DNAJC6: variants seen among roughly 807,000 people sequenced by gnomAD.
The protein encoded by DNAJC6 is auxilin.
A neutral mutation model predicts 110.0 loss-of-function variants in DNAJC6; 34 were observed. That is an observed-to-expected ratio of 0.31 (90% CI 0.24 to 0.41). The LOEUF is 0.41. Among genes scored for constraint, DNAJC6 ranks in the 10% least tolerant of loss-of-function variants. The pLI is 1.00. For missense variants in DNAJC6, 1,031 were observed against 1,207.8 expected (o/e 0.85, Z 2.17); for synonymous variants, 406 against 437.2 (o/e 0.93, Z 0.89).
chr1:65,385,576 A>C lies in DNAJC6; in HGVS notation c.801-136A>C. 4.2e-6 allele frequency: 3 copies of C among 712,206 alleles called. No individual in the cohort carries two copies. In the South Asian group the frequency reaches 1.1e-4, roughly 26 times the overall value. The allele number at this position is 712,206 out of a possible 1,614,324, so 44.1% of individuals were successfully genotyped here. ...ATTATTGATCGCATTATCTTTTGCT[A>C]GTTAATATTTAAGAAATTGATAGAA... is the stretch of plus-strand genomic sequence containing the variant. On this transcript the variant is annotated intron_variant, in intron 6 of 18. Transcript: ENST00000371069.
At chr1:65,368,550 C>CTCCT (rs573797449) in intron 4 of DNAJC6, among the ~76,000 whole-genome samples, 208 of 149,276 alleles carry the variant, frequency 1.4e-3, no homozygotes, top group African/African-American at 4.9e-3. Flanking sequence ...TCCTTCCCTT[C>CTCCT]TCCTTCCTTC....
chr1:65,274,372 A>G (rs993355241), intron 1 of DNAJC6, among the ~76,000 whole-genome samples: 5 of 152,044 alleles, frequency 3.3e-5, no homozygotes, highest in African/African-American at 9.7e-5. Context: ...GCTGGAGTGC[A>G]GTGGTGTGAT....
intron 1 of DNAJC6, among the ~76,000 whole-genome samples, chr1:65,290,621 T>C (rs541374775): frequency 6.6e-6 from 1 of 152,344 alleles, no homozygotes; most frequent in East Asian, 1.9e-4. Flanking sequence ...GCAGTTAGCA[T>C]TTTTTGTTGT....
intron 4 of DNAJC6, 85 bp from the exon 5 acceptor site, chr1:65,379,317 C>G (rs1645795985): frequency 6.5e-7 from 1 of 1,539,814 alleles, no homozygotes; most frequent in African/African-American, 1.4e-5. Context: ...GGTATCACTT[C>G]CAGAAGATGT....
chr1:65,311,814 A>G (rs1645104578), intron 1 of DNAJC6, among the ~76,000 whole-genome samples: 1 of 152,218 alleles, frequency 6.6e-6, no homozygotes, highest in South Asian at 2.1e-4. Context: ...TATTATTTTA[A>G]GAGTTGAAAT....
chr1:65,367,125 C>CT (rs1238454689), intron 4 of DNAJC6, among the ~76,000 whole-genome samples: 3 of 152,104 alleles, frequency 2.0e-5, no homozygotes, highest in Non-Finnish European at 1.5e-5. Context: ...TTAAGGACCT[C>CT]TTTTTCAGCG....
chr1:65,355,685 C>T (rs1389805560), intron 1 of DNAJC6, among the ~76,000 whole-genome samples: 2 of 152,134 alleles, frequency 1.3e-5, no homozygotes, highest in East Asian at 1.9e-4. Context: ...CACCAGGTCA[C>T]GTCAAGATGA....
At chr1:65,343,594 G>A (rs1031563252) in intron 1 of DNAJC6, among the ~76,000 whole-genome samples, 2 of 152,048 alleles carry the variant, frequency 1.3e-5, no homozygotes, top group African/African-American at 2.4e-5. Context: ...GACTATCTTG[G>A]TTATTGCAGT....
At chr1:65,410,833 C>T (rs901956757) in intron 17 of DNAJC6, among the ~76,000 whole-genome samples, 7 of 152,190 alleles carry the variant, frequency 4.6e-5, no homozygotes, top group Non-Finnish European at 1.0e-4. Flanking sequence ...AAGAGAAACA[C>T]ACAATTACAA....
At chr1:65,342,693 A>G (rs1036029307) in intron 1 of DNAJC6, among the ~76,000 whole-genome samples, 1 of 152,214 alleles carries the variant, frequency 6.6e-6, no homozygotes, top group Non-Finnish European at 1.5e-5. Flanking sequence ...GATAATGGAC[A>G]TAAAGCTTGT....
rs1250881469 is a variant in DNAJC6 at position 65,406,054 on chromosome 1, G to T, written c.2412G>T (p.Gln804His). 1 of 1,614,134 alleles carries T rather than the reference G, an allele frequency of 6.2e-7. No homozygotes were observed. Among genetic ancestry groups the T allele is most frequent in the South Asian group, 1.1e-5 (1 of 91,084 alleles). Residue 804 changes from glutamine (Q) to histidine (H), a missense_variant, in exon 16 of 19, where the codon CAG becomes CAT. Transcript: ENST00000371069. ...CCAGCATGCCCCACTCCTCTCCCCA[G>T]AACCGACCCAACTACAACGTGAGCT... ...PQPSMPHSSPQNRPNYNVSFS... is the reference protein window; with the variant it reads ...PQPSMPHSSPHNRPNYNVSFS...
chr1:65,269,727 G>C (rs918585275), intron 1 of DNAJC6, among the ~76,000 whole-genome samples: 2 of 152,168 alleles, frequency 1.3e-5, no homozygotes, highest in Non-Finnish European at 2.9e-5. Flanking sequence ...GGGGTAGCAT[G>C]TGGTTAAGCT....
At chr1:65,284,341 C>T (rs1312310142) in intron 1 of DNAJC6, among the ~76,000 whole-genome samples, 1 of 152,190 alleles carries the variant, frequency 6.6e-6, no homozygotes, top group Non-Finnish European at 1.5e-5. Flanking sequence ...GAAGCCAACT[C>T]CTCATGTGTG....
At chr1:65,338,164 G>T (rs559982647) in intron 1 of DNAJC6, among the ~76,000 whole-genome samples, 25 of 152,250 alleles carry the variant, frequency 1.6e-4, no homozygotes, top group Admixed American at 1.0e-3. Flanking sequence ...AGTGGACAGA[G>T]CTAGGAGCAA....
At chr1:65,355,564 C>T (rs368839736) in intron 1 of DNAJC6, among the ~76,000 whole-genome samples, 2 of 152,158 alleles carry the variant, frequency 1.3e-5, no homozygotes, top group African/African-American at 4.8e-5. Flanking sequence ...GCTTATACCA[C>T]GTGCCACCTA....
chr1:65,405,892 A>G lies in DNAJC6; in HGVS notation c.2250A>G (p.Lys750=). ...GTLGSSSFAS[K]PTTPTGLGGG... is the part of the protein sequence containing the mutation. ...TAGGTAGTTCTTCCTTTGCCAGCAA[A>G]CCCACCACACCAACTGGATTGGGTG... Residue 750 remains lysine, a synonymous_variant, in exon 16 of 19, where the codon AAA becomes AAG. Transcript: ENST00000371069. 2 of 1,605,104 alleles carry G rather than the reference A, an allele frequency of 1.2e-6. No homozygotes were observed. Among genetic ancestry groups the G allele is most frequent in the Non-Finnish European group, 1.7e-6 (2 of 1,175,104 alleles).
rs962076080 is a variant in DNAJC6 at position 65,309,767 on chromosome 1, C to T, written c.22C>T (p.Arg8Trp). 6.5e-7 allele frequency: 1 copy of T among 1,547,770 alleles called. No individual in the cohort carries two copies. Among genetic ancestry groups the T allele is most frequent in the South Asian group, 1.2e-5 (1 of 84,040 alleles). Residue 8 changes from arginine to tryptophan, a missense_variant, in exon 1 of 19, where the codon CGG becomes TGG. Transcript: ENST00000371069. MSLLGSY[R>W]KKTSNDGYES... ...GCCCATGAGCCTCCTCGGGAGCTAC[C>T]GGAAAAAGACCAGCAACGATGGTTA...
At chr1:65,342,629 G>T (rs530926877) in intron 1 of DNAJC6, among the ~76,000 whole-genome samples, 1 of 152,152 alleles carries the variant, frequency 6.6e-6, no homozygotes, top group Admixed American at 6.5e-5. Context: ...TTGCTCCTCT[G>T]TAAAAAGGGG....
At chr1:65,331,711 C>T (rs746489333) in intron 1 of DNAJC6, among the ~76,000 whole-genome samples, 6 of 152,084 alleles carry the variant, frequency 3.9e-5, no homozygotes, top group Non-Finnish European at 8.8e-5. Context: ...GGTTATGAGC[C>T]CCAAGTTGAA....
Sources: gnomAD v4.1 joint callset for allele counts (sites outside exome capture counted in the v4.1 genomes callset) on GRCh38, gnomAD v4.1.1 for gene constraint, MANE v1.5 for transcripts, NCBI Gene and HGNC (gene_info 2026-07-23, HGNC 2026-07-21) for gene names.